PKP4: variants seen among roughly 807,000 people sequenced by gnomAD.
PKP4 encodes plakophilin 4.
Under a neutral mutation model 145.1 loss-of-function variants are expected in PKP4, and 90 were observed. The observed-to-expected ratio is 0.62, with a 90% CI of 0.52 to 0.74. The LOEUF (loss-of-function observed/expected upper bound fraction) is 0.74. Among genes scored for constraint, PKP4 ranks in the 30% least tolerant of loss-of-function variants. The pLI is 0.00. For synonymous variants in PKP4, 563 were observed against 577.2 expected (o/e 0.98, Z 0.35); for missense variants, 1,340 against 1,482.7 (o/e 0.90, Z 1.58).
intron 9 of PKP4, among the ~76,000 whole-genome samples, chr2:158,635,246 G>A (rs1222889966): frequency 6.6e-6 from 1 of 152,146 alleles, no homozygotes; most frequent in Admixed American, 6.5e-5. Context: ...TTAAAGTTGA[G>A]TGGGAAATCC....
At chr2:158,650,213 A>G (rs1003808436) in intron 11 of PKP4, among the ~76,000 whole-genome samples, 1 of 152,244 alleles carries the variant, frequency 6.6e-6, no homozygotes, top group Non-Finnish European at 1.5e-5. Context: ...CTTCAACAGA[A>G]GGAGCCACTC....
At chr2:158,648,286 A>G (rs2055015437) in intron 11 of PKP4, among the ~76,000 whole-genome samples, 1 of 152,222 alleles carries the variant, frequency 6.6e-6, no homozygotes, top group Non-Finnish European at 1.5e-5. Context: ...AGAACATGAA[A>G]TGAAGTGTAT....
At chr2:158,652,144 C>A (rs937207041) in intron 11 of PKP4, among the ~76,000 whole-genome samples, 1 of 152,220 alleles carries the variant, frequency 6.6e-6, no homozygotes, top group African/African-American at 2.4e-5. Flanking sequence ...CAAAGTATTT[C>A]AACTTCTAAG....
At chr2:158,651,776 G>T (rs539656929) in intron 11 of PKP4, among the ~76,000 whole-genome samples, 1 of 152,074 alleles carries the variant, frequency 6.6e-6, no homozygotes, top group African/African-American at 2.4e-5. Flanking sequence ...CCAGCTCTGT[G>T]GCTCCAGACA....
At chr2:158,645,164 C>G (rs1446613842) in intron 11 of PKP4, among the ~76,000 whole-genome samples, 1 of 152,188 alleles carries the variant, frequency 6.6e-6, no homozygotes, top group Non-Finnish European at 1.5e-5. Flanking sequence ...AATGGACCAT[C>G]TGCCTTAATG....
intron 2 of PKP4, among the ~76,000 whole-genome samples, chr2:158,558,556 A>C (rs964807991): frequency 6.6e-6 from 1 of 152,180 alleles, no homozygotes; most frequent in Non-Finnish European, 1.5e-5. Flanking sequence ...TGTAGCCACC[A>C]AGAAATGGTT....
chr2:158,582,851 C>T (rs539497035), intron 3 of PKP4, among the ~76,000 whole-genome samples: 153 of 152,158 alleles, frequency 1.0e-3, no homozygotes, highest in Non-Finnish European at 1.7e-3. Flanking sequence ...CAGGATAATA[C>T]TTAGCATATG....
intron 2 of PKP4, among the ~76,000 whole-genome samples, chr2:158,572,673 G>A (rs760016733): frequency 3.9e-5 from 6 of 152,196 alleles, no homozygotes; most frequent in Non-Finnish European, 7.3e-5. Flanking sequence ...GTGCTGGCAG[G>A]AGGAAGACAT....
chr2:158,636,631 C>T (rs2053833229), intron 9 of PKP4, among the ~76,000 whole-genome samples: 1 of 152,060 alleles, frequency 6.6e-6, no homozygotes, highest in African/African-American at 2.4e-5. Flanking sequence ...TTTTCTCCTT[C>T]TAGGACTTGA....
At chr2:158,557,194 T>C (rs1342237071) in intron 2 of PKP4, among the ~76,000 whole-genome samples, 1 of 152,174 alleles carries the variant, frequency 6.6e-6, no homozygotes, top group Non-Finnish European at 1.5e-5. Flanking sequence ...TTCACACTTT[T>C]GATATGCATA....
chr2:158,607,407 A>C (rs1171133508), intron 4 of PKP4, among the ~76,000 whole-genome samples: 3 of 152,188 alleles, frequency 2.0e-5, no homozygotes, highest in Non-Finnish European at 4.4e-5. Flanking sequence ...TTTGATACAG[A>C]AAATGTAGTT....
intron 1 of PKP4, among the ~76,000 whole-genome samples, chr2:158,504,522 G>C (rs1031025493): frequency 4.6e-5 from 7 of 152,150 alleles, no homozygotes; most frequent in Non-Finnish European, 7.3e-5. Flanking sequence ...TAGGAAGAGA[G>C]GAGACAAGTT....
rs181468111 is a variant in PKP4, at chr2:158,536,895, C to T, written c.132+3579C>T. On this transcript the variant is annotated intron_variant, in intron 2 of 21. Coordinates refer to ENST00000389759, the MANE Select transcript of PKP4 (RefSeq NM_003628.6). ...CTCTTTTAGCACTTTATACTACTGC[C>T]ATGACTCTTAATAGTATGCTTCTTT... 1.3e-3 allele frequency among the ~76,000 whole-genome samples: 195 copies of T among 152,278 alleles called. 4 individuals carry two copies. Among genetic ancestry groups the T allele is most frequent in the South Asian group, 0.011 (51 of 4,824 alleles).
At position 158,629,799 on chromosome 2, in the gene PKP4, C is replaced by T. The variant is rs1373549691; in HGVS notation, c.1154-1954C>T. Among the ~76,000 whole-genome samples the T allele has an allele frequency of 3.3e-5, 5 of 152,222 alleles. No homozygotes were observed. The East Asian group carries it at 9.7e-4, about 29-fold the overall frequency. On this transcript the variant is annotated intron_variant, in intron 7 of 21. Transcript: ENST00000389759. Reference sequence around the variant, plus strand: ...GATCTCGGCTCACTGCAACCTCCCGCCCCCAGATTGAAGCAGTTCTGTGCC... The same window carrying T: ...GATCTCGGCTCACTGCAACCTCCCGTCCCCAGATTGAAGCAGTTCTGTGCC...
At chr2:158,626,280 A>G (rs536986789) in intron 7 of PKP4, among the ~76,000 whole-genome samples, 13 of 152,306 alleles carry the variant, frequency 8.5e-5, no homozygotes, top group South Asian at 2.1e-4. Context: ...TGTGTTTTCT[A>G]TTGATGGAAT....
At chr2:158,562,465 G>C (rs2046616877) in intron 2 of PKP4, among the ~76,000 whole-genome samples, 1 of 152,214 alleles carries the variant, frequency 6.6e-6, no homozygotes, top group African/African-American at 2.4e-5. Flanking sequence ...AGAAAGCACA[G>C]TGGTGGTTGC....
At chr2:158,497,044 A>G (rs1695848209) in intron 1 of PKP4, among the ~76,000 whole-genome samples, 1 of 152,084 alleles carries the variant, frequency 6.6e-6, no homozygotes, top group Admixed American at 6.6e-5. Flanking sequence ...ATAATTTGGT[A>G]TTATACAGGT....
chr2:158,601,072 G>A (rs1025967998), intron 3 of PKP4, among the ~76,000 whole-genome samples: 1 of 152,100 alleles, frequency 6.6e-6, no homozygotes, highest in Non-Finnish European at 1.5e-5. Context: ...AAACATTAAA[G>A]AACTTGATTT....
intron 11 of PKP4, among the ~76,000 whole-genome samples, chr2:158,657,052 G>A (rs751205582): frequency 1.3e-5 from 2 of 152,134 alleles, no homozygotes; most frequent in East Asian, 1.9e-4. Context: ...GGCCACAAAC[G>A]TTTTTGTGTG....
Sources: gnomAD v4.1 joint callset for allele counts (sites outside exome capture counted in the v4.1 genomes callset) on GRCh38, gnomAD v4.1.1 for gene constraint, MANE v1.5 for transcripts, NCBI Gene and HGNC (gene_info 2026-07-23, HGNC 2026-07-21) for gene names.